The following NRG3 variants were observed in gnomAD, a reference collection of about 807,000 sequenced individuals.
NRG3 encodes the protein pro-neuregulin-3, membrane-bound isoform.
Under a neutral mutation model 66.9 loss-of-function variants are expected in NRG3, and 31 were observed. The ratio of observed to expected loss-of-function variants is 0.46; its 90% CI spans 0.35 to 0.63. The LOEUF (loss-of-function observed/expected upper bound fraction) is 0.63, where lower values mean the gene tolerates loss of function less well. NRG3 is among the 20% of genes least tolerant of loss of function. The pLI is 0.00. For synonymous variants in NRG3, 393 were observed against 359.4 expected, an observed-to-expected ratio of 1.09 and a Z score of -1.06; for missense variants, 910 against 878.9, an observed-to-expected ratio of 1.04 and a Z score of -0.45.
chr10:82,809,561 C>T (rs761766741), intron 3 of NRG3, among the ~76,000 whole-genome samples: 5 of 151,844 alleles, frequency 3.3e-5, no homozygotes, highest in East Asian at 1.9e-4. Flanking sequence ...CATACAGAAA[C>T]GTATTTAAAT....
At chr10:82,850,713 C>CAAA (rs5786576) in intron 3 of NRG3, among the ~76,000 whole-genome samples, 131 of 137,926 alleles carry the variant, frequency 9.5e-4, no homozygotes, top group African/African-American at 2.7e-3. Flanking sequence ...TTTTTAAGAG[C>CAAA]AAAAAAAAAA....
At chr10:82,628,647 T>G (rs1322251874) in intron 2 of NRG3, among the ~76,000 whole-genome samples, 1 of 152,114 alleles carries the variant, frequency 6.6e-6, no homozygotes, top group East Asian at 1.9e-4. Flanking sequence ...ATACACACTC[T>G]TTCAACAGCT....
At chr10:82,531,348 A>G (rs1247131788) in intron 2 of NRG3, among the ~76,000 whole-genome samples, 4 of 151,814 alleles carry the variant, frequency 2.6e-5, no homozygotes, top group Admixed American at 1.3e-4. Flanking sequence ...ATGACTATCT[A>G]TGAAAGATGA....
At chr10:82,396,464 T>G (rs1263963833) in intron 2 of NRG3, among the ~76,000 whole-genome samples, 1 of 152,208 alleles carries the variant, frequency 6.6e-6, no homozygotes, top group African/African-American at 2.4e-5. Flanking sequence ...CAGTTCCCTT[T>G]TTCAATTGTC....
At chr10:82,682,389 GTAGATAGACAGATAGA>G (rs2054168651) in intron 2 of NRG3, among the ~76,000 whole-genome samples, 1 of 141,208 alleles carries the variant, frequency 7.1e-6, no homozygotes, top group African/African-American at 2.6e-5. Flanking sequence ...TAGGTAGATA[GTAGATAGACAGATAGA>G]TAGATAGATA....
intron 4 of NRG3, among the ~76,000 whole-genome samples, chr10:82,914,735 C>A (rs1845670931): frequency 6.7e-6 from 1 of 150,230 alleles, no homozygotes; most frequent in Admixed American, 6.7e-5. Context: ...GGGTCCTTCA[C>A]AAGTGATTTT....
chr10:82,788,147 GTGT>G (rs1264910429), intron 3 of NRG3, among the ~76,000 whole-genome samples: 2 of 152,132 alleles, frequency 1.3e-5, no homozygotes, highest in Non-Finnish European at 2.9e-5. Flanking sequence ...ATTGTTATTG[GTGT>G]TTACTTTTTT....
intron 2 of NRG3, among the ~76,000 whole-genome samples, chr10:82,650,887 C>G (rs1167365808): frequency 1.3e-5 from 2 of 152,182 alleles, no homozygotes; most frequent in Non-Finnish European, 2.9e-5. Context: ...TCTGTCCACA[C>G]AGAGCCTAGA....
At chr10:82,808,704 C>T (rs1436699934) in intron 3 of NRG3, among the ~76,000 whole-genome samples, 1 of 152,068 alleles carries the variant, frequency 6.6e-6, no homozygotes, top group Non-Finnish European at 1.5e-5. Context: ...TAAATCAAAC[C>T]CGGAATTTAG....
At chr10:82,314,956 T>C (rs1296440890) in intron 1 of NRG3, among the ~76,000 whole-genome samples, 1 of 152,218 alleles carries the variant, frequency 6.6e-6, no homozygotes, top group Admixed American at 6.5e-5. Flanking sequence ...CCTCATTTTT[T>C]ACACTATAAA....
intron 1 of NRG3, among the ~76,000 whole-genome samples, chr10:82,256,762 AAG>A (rs1163821347): frequency 6.6e-6 from 1 of 152,210 alleles, no homozygotes; most frequent in Non-Finnish European, 1.5e-5. Flanking sequence ...TATGAGCACT[AAG>A]AGAATGCATT....
intron 3 of NRG3, among the ~76,000 whole-genome samples, chr10:82,818,947 C>T (rs1223254409): frequency 6.6e-6 from 1 of 152,100 alleles, no homozygotes; most frequent in Non-Finnish European, 1.5e-5. Context: ...CTGCTGTATC[C>T]ATACACTATT....
At chr10:82,332,242 T>G (rs1305141105) in intron 1 of NRG3, among the ~76,000 whole-genome samples, 1 of 152,202 alleles carries the variant, frequency 6.6e-6, no homozygotes, top group African/African-American at 2.4e-5. Context: ...GTTCAAAATT[T>G]TGACTAAGAC....
chr10:82,646,172 C>G (rs80187779), intron 2 of NRG3, among the ~76,000 whole-genome samples: 1 of 152,112 alleles, frequency 6.6e-6, no homozygotes, highest in South Asian at 2.1e-4. Context: ...CTACAGCTGA[C>G]TCTATTATGC....
chr10:82,474,928 T>C (rs1442432523), intron 2 of NRG3, among the ~76,000 whole-genome samples: 5 of 151,654 alleles, frequency 3.3e-5, no homozygotes, highest in African/African-American at 1.2e-4. Flanking sequence ...ATATTTCTCT[T>C]GAGAAACACT....
In NRG3 at chr10:82,985,375, A is replaced by G. The variant is rs1205860567; in HGVS notation, c.1861A>G (p.Ile621Val). Residue 621 changes from isoleucine (I) to valine (V), a missense_variant, in exon 9 of 9, where the codon ATA becomes GTA. Ile to Val is a conservative substitution (Grantham distance 29). Coordinates refer to ENST00000372141, the MANE Select transcript of NRG3 (RefSeq NM_001010848.4). The stretch of plus-strand genomic sequence containing the variant: ...GAGTATTCCAGTCAGCGATTGTCTT[A>G]TAGCAGAACAACAAGAAGTGAAAAT... ...NVSIPVSDCL[I>V]AEQQEVKILL... 6.2e-7 allele frequency: 1 copy of G among 1,614,184 alleles called. No homozygotes were observed. The highest frequency in any genetic ancestry group is 1.7e-5 in the Admixed American group (1 of 60,018).
intron 4 of NRG3, among the ~76,000 whole-genome samples, chr10:82,897,003 A>G (rs900944776): frequency 3.9e-5 from 6 of 152,234 alleles, no homozygotes; most frequent in African/African-American, 1.4e-4. Context: ...GAGAGAAGAA[A>G]TTCGGTTTGG....
rs115366816 is a variant in NRG3 at position 82,093,546 on chromosome 10, C to T, written c.823+217383C>T. On this transcript the variant is annotated intron_variant, in intron 1 of 8. Coordinates refer to ENST00000372141, the MANE Select transcript of NRG3 (RefSeq NM_001010848.4). ...GACATTGAGGAAATAGATATGAAAG[C>T]AGCATCCATACGCACTTGATTCTCA... is the stretch of plus-strand genomic sequence containing the variant. Among the ~76,000 whole-genome samples, 637 of 152,270 alleles carry T rather than the reference C, an allele frequency of 4.2e-3. 7 individuals are homozygous for T. Among genetic ancestry groups the T allele is most frequent in the African/African-American group, 0.015 (608 of 41,552 alleles).
chr10:82,093,725 G>A (rs2066166465), intron 1 of NRG3, among the ~76,000 whole-genome samples: 1 of 152,024 alleles, frequency 6.6e-6, no homozygotes, highest in South Asian at 2.1e-4. Context: ...TAAGCTTTAG[G>A]CTTTATATTT....
Sources: allele counts gnomAD v4.1 joint callset (sites outside exome capture counted in the v4.1 genomes callset), GRCh38; gene constraint gnomAD v4.1.1; transcripts MANE v1.5; gene names NCBI Gene and HGNC (gene_info 2026-07-23, HGNC 2026-07-21).